The following CYP4F22 variants were observed in gnomAD, a reference collection of about 807,000 sequenced individuals.
CYP4F22 encodes cytochrome P450 family 4 subfamily F member 22.
In CYP4F22, 37 loss-of-function variants were observed where a neutral mutation model predicts 60.4. That is an observed-to-expected ratio of 0.61 (90% CI 0.47 to 0.81). The LOEUF (loss-of-function observed/expected upper bound fraction) is 0.81, where lower values mean the gene tolerates loss of function less well. Among genes scored for constraint, CYP4F22 ranks in the 30% least tolerant of loss-of-function variants. The pLI is 0.00. For synonymous variants in CYP4F22, 258 were observed against 280.5 expected (o/e 0.92, Z 0.80); for missense variants, 655 against 715.0 (o/e 0.92, Z 0.96).
chr19:15,515,505 G>A (rs1331743616), intron 1 of CYP4F22: 1 of 666,170 alleles, frequency 1.5e-6, no homozygotes, highest in Non-Finnish European at 2.8e-6. Context: ...TGGATGGTTC[G>A]CCTGAGGTCA....
intron 10 of CYP4F22, among the ~76,000 whole-genome samples, chr19:15,546,176 G>A (rs1162540503): frequency 6.6e-6 from 1 of 152,210 alleles, no homozygotes; most frequent in East Asian, 1.9e-4. Context: ...GGGACTTGCT[G>A]TGTTGCCCAG....
At position 15,544,146 on chromosome 19, in the gene CYP4F22, GC is replaced by G; in HGVS notation, c.1007-3del. On this transcript the variant is annotated splice_region_variant and splice_polypyrimidine_tract_variant and intron_variant, in intron 9 of 13. Transcript: ENST00000269703. ...TCCATTCAGATACCCTCATCTCCCTGCAGGTCACGACACAACATCCAGTGGG... is the reference window on the plus strand; with the variant it reads ...TCCATTCAGATACCCTCATCTCCCTGAGGTCACGACACAACATCCAGTGGG... The G allele has an allele frequency of 3.1e-6, 5 of 1,614,204 alleles. No individual in the cohort carries two copies. The highest frequency in any genetic ancestry group is 3.4e-6 in the Non-Finnish European group (4 of 1,180,046).
In CYP4F22 at chr19:15,511,908, G is replaced by A. The variant is rs116593026; in HGVS notation, c.-109+3325G>A. Among the ~76,000 whole-genome samples the A allele has an allele frequency of 2.9e-3, 443 of 152,338 alleles. 2 individuals carry two copies. The highest frequency in any genetic ancestry group is 0.01 in the African/African-American group (430 of 41,586). On this transcript the variant is annotated intron_variant, in intron 1 of 13. Transcript: ENST00000269703. ...CGTGGGCCGGGACACGGAGCCAGTC[G>A]CTGGCTTTCACCACCACCAGATAAT... is the stretch of plus-strand genomic sequence containing the variant.
In CYP4F22 at chr19:15,523,534, G is replaced by A. The variant is rs112815451; in HGVS notation, c.-108-159G>A. The stretch of plus-strand genomic sequence containing the variant: ...ACTGGGGATTCCAGTTCAACATGAG[G>A]TTTGGGTGGGGACACAGATCCAAAC... On this transcript the variant is annotated intron_variant, in intron 1 of 13. Coordinates refer to ENST00000269703, the MANE Select transcript of CYP4F22 (RefSeq NM_173483.4). Among the ~76,000 whole-genome samples the A allele has an allele frequency of 6.0e-3, 919 of 152,276 alleles. 9 individuals carry two copies. The highest frequency in any genetic ancestry group is 0.02 in the African/African-American group (848 of 41,560).
chr19:15,529,863 C>T lies in CYP4F22; in HGVS notation c.367+10C>T. ...CTTTTGGGAGCCTCAGGTACGTGGGCTGGGCCTCCGATCTATGGTTGAGTC... is the reference window on the plus strand; with the variant it reads ...CTTTTGGGAGCCTCAGGTACGTGGGTTGGGCCTCCGATCTATGGTTGAGTC... On this transcript the variant is annotated intron_variant, in intron 4 of 13. Coordinates refer to ENST00000269703, the MANE Select transcript of CYP4F22 (RefSeq NM_173483.4). 1 of 1,613,828 alleles carries T rather than the reference C, an allele frequency of 6.2e-7. No homozygotes were observed. Among genetic ancestry groups the T allele is most frequent in the Non-Finnish European group, 8.5e-7 (1 of 1,180,024 alleles).
chr19:15,516,725 G>T (rs1483170520), intron 1 of CYP4F22: 2 of 573,014 alleles, frequency 3.5e-6, no homozygotes, highest in East Asian at 4.3e-5. Flanking sequence ...GTTGTTTTTG[G>T]GGAAGTCTTT....
At chr19:15,545,550 G>C (rs2144540868) in intron 10 of CYP4F22, among the ~76,000 whole-genome samples, 1 of 143,830 alleles carries the variant, frequency 7.0e-6, no homozygotes, top group South Asian at 2.4e-4. Context: ...TTGGGAGGCT[G>C]AGGTGGGAGG....
chr19:15,510,966 A>ATATATTTTTT (rs34055543), intron 1 of CYP4F22, among the ~76,000 whole-genome samples: 2 of 103,308 alleles, frequency 1.9e-5, no homozygotes, highest in African/African-American at 9.2e-5. Flanking sequence ...ATATATATAT[A>ATATATTTTTT]TTTTTTTTTT....
At position 15,540,563 on chromosome 19, in the gene CYP4F22, G is replaced by A. The variant is rs141631745; in HGVS notation, c.785G>A (p.Arg262Gln). Residue 262 changes from arginine to glutamine, a missense_variant, in exon 8 of 14, where the codon CGG (arginine) becomes CAG (glutamine). By Grantham distance (43) the Arg-to-Gln change is conservative. This residue lies in a region of CYP4F22 where 430 missense variants were observed against 457.1 expected (regional missense o/e 0.94). Transcript: ENST00000269703. Reference protein sequence around the residue: ...DFIYYRSADGRRFRQACDMVH... With the variant: ...DFIYYRSADGQRFRQACDMVH... ...ATTTACTACCGCTCGGCGGATGGGCGGAGGTTCCGGCAGGCCTGTGACATG... is the reference window on the plus strand; with the variant it reads ...ATTTACTACCGCTCGGCGGATGGGCAGAGGTTCCGGCAGGCCTGTGACATG... The A allele has an allele frequency of 2.9e-4, 472 of 1,614,238 alleles. 1 individual carries two copies. In the African/African-American group the frequency reaches 4.7e-3, roughly 16 times the overall value.
At chr19:15,515,429 T>C (rs532262743) in intron 1 of CYP4F22, 7 of 1,144,276 alleles carry the variant, frequency 6.1e-6, no homozygotes, top group Admixed American at 5.3e-5. Flanking sequence ...AACTTTAAGG[T>C]GTTCAGTGCA....
At chr19:15,547,987 G>T (rs1971546369) in intron 10 of CYP4F22, 121 bp from the exon 11 acceptor site, 1 of 417,360 alleles carries the variant, frequency 2.4e-6, no homozygotes, top group Non-Finnish European at 3.7e-6. Flanking sequence ...GAGAGAGAGA[G>T]AGAGAGAGGG....
intron 10 of CYP4F22, among the ~76,000 whole-genome samples, chr19:15,544,564 A>G (rs1023056267): frequency 1.3e-5 from 2 of 152,210 alleles, no homozygotes; most frequent in Admixed American, 6.5e-5. Flanking sequence ...TTGCTTTTGT[A>G]TGCACACATT....
chr19:15,525,297 T>C, intron 2 of CYP4F22, 39 bp from the exon 3 acceptor site: 1 of 1,597,300 alleles, frequency 6.3e-7, no homozygotes, highest in Non-Finnish European at 8.5e-7. Context: ...GTCATCGTCT[T>C]GTGCATGGCA....
intron 7 of CYP4F22, among the ~76,000 whole-genome samples, chr19:15,539,805 T>TA (rs1971437959): frequency 6.6e-6 from 1 of 152,284 alleles, no homozygotes; most frequent in Admixed American, 6.5e-5. Flanking sequence ...CAACACTTGT[T>TA]ATTATAAGTT....
intron 1 of CYP4F22, among the ~76,000 whole-genome samples, chr19:15,509,888 C>T (rs1407218731): frequency 8.2e-6 from 1 of 121,960 alleles, no homozygotes; most frequent in Non-Finnish European, 1.8e-5. Flanking sequence ...TTCCTTCCTT[C>T]CTTCCTTCCT....
chr19:15,509,892 C>CTTT (rs1971064345), intron 1 of CYP4F22, among the ~76,000 whole-genome samples: 2 of 102,392 alleles, frequency 2.0e-5, no homozygotes, highest in African/African-American at 3.1e-5. Context: ...TTCCTTCCTT[C>CTTT]CTTCCTTCCT....
chr19:15,550,819 G>A, intron 13 of CYP4F22, 63 bp downstream of exon 13: 1 of 1,582,064 alleles, frequency 6.3e-7, no homozygotes, highest in Non-Finnish European at 8.7e-7. Context: ...GGAAAGATCA[G>A]GAATGTGCCT....
Position 15,549,219 on chromosome 19 carries a change from C to A in CYP4F22, c.1335+17C>A, listed in dbSNP as rs77324974. The A allele has an allele frequency of 6.2e-7, 1 of 1,613,854 alleles. No homozygotes were observed. The highest frequency in any genetic ancestry group is 1.7e-5 in the Admixed American group (1 of 59,998). On this transcript the variant is annotated intron_variant, in intron 12 of 13. Coordinates refer to ENST00000269703, the MANE Select transcript of CYP4F22 (RefSeq NM_173483.4). Reference sequence around the variant, plus strand: ...GACTCCAAGGTGAGTGCCTGCCCCACTCCTCCCTGCCCTCAGGTCCTCCCC... The same window carrying A: ...GACTCCAAGGTGAGTGCCTGCCCCAATCCTCCCTGCCCTCAGGTCCTCCCC...
intron 8 of CYP4F22, 125 bp downstream of exon 8, chr19:15,540,842 T>G (rs1971453874): frequency 8.0e-7 from 1 of 1,252,414 alleles, no homozygotes; most frequent in Admixed American, 2.1e-5. Context: ...CCCAGCGCTT[T>G]GGGAGGCCAA....
Sources: allele counts gnomAD v4.1 joint callset (sites outside exome capture counted in the v4.1 genomes callset), GRCh38; gene constraint gnomAD v4.1.1; regional missense constraint gnomAD v4.1.1; transcripts MANE v1.5; gene names NCBI Gene and HGNC (gene_info 2026-07-23, HGNC 2026-07-21).